Variants in INSR observed in about 807,000 individuals in gnomAD.
INSR encodes insulin receptor, also known as IR.
INSR carries 67 observed loss-of-function variants against 142.6 expected under a neutral mutation model. The observed-to-expected ratio is 0.47, with a 90% confidence interval of 0.39 to 0.58. The LOEUF (loss-of-function observed/expected upper bound fraction) is 0.58. INSR is among the 20% of genes least tolerant of loss of function. The pLI, the probability that INSR is intolerant of heterozygous loss-of-function variation, is 0.00. For missense variants in INSR, 1,248 were observed against 1,833.2 expected, an observed-to-expected ratio of 0.68 and a Z score of 5.83; for synonymous variants, 756 against 743.1, an observed-to-expected ratio of 1.02 and a Z score of -0.28.
intron 2 of INSR, among the ~76,000 whole-genome samples, chr19:7,198,088 C>T (rs1167640098): frequency 2.0e-5 from 3 of 151,648 alleles, no homozygotes; most frequent in African/African-American, 7.3e-5. Context: ...CCCATGGGGG[C>T]GAGGGAGGGA....
At position 7,115,395 on chromosome 19, in the gene INSR, T is replaced by G. The variant is rs952459337; in HGVS notation, c.*1661A>C. The G allele has an allele frequency of 6.6e-6, 1 of 152,082 alleles. No individual in the cohort carries two copies. The highest frequency in any genetic ancestry group is 2.4e-5 in the African/African-American group (1 of 41,402). The allele number at this position is 152,082 out of a possible 1,614,324, so 9.4% of individuals were successfully genotyped here. On this transcript the variant is annotated 3_prime_UTR_variant, in exon 22 of 22. Coordinates refer to ENST00000302850, the MANE Select transcript of INSR (RefSeq NM_000208.4). ...GTTTCTCCTCCAGACTCTACTCTCTTAGGGATTGCAACACTGTAAGCACCT... is the reference window on the plus strand; with the variant it reads ...GTTTCTCCTCCAGACTCTACTCTCTGAGGGATTGCAACACTGTAAGCACCT...
chr19:7,130,344 G>C (rs898871107), intron 14 of INSR, among the ~76,000 whole-genome samples: 2 of 152,208 alleles, frequency 1.3e-5, no homozygotes, highest in African/African-American at 4.8e-5. Flanking sequence ...CCATAAGTGA[G>C]AGTGAGACAC....
In INSR at chr19:7,119,865, C is replaced by G. The variant is rs958959761; in HGVS notation, c.3660-282G>C. On this transcript the variant is annotated intron_variant, in intron 20 of 21. Coordinates refer to ENST00000302850, the MANE Select transcript of INSR (RefSeq NM_000208.4). This position sits in a 1 kb window ranked among gnomAD's most constrained non-coding sequence, Gnocchi z 5.2. ...CCAAACACACACACGCACACACATG[C>G]AAACACACACAAACACACATATGCA... is the stretch of plus-strand genomic sequence containing the variant. Among the ~76,000 whole-genome samples, 5 of 151,502 alleles carry G rather than the reference C, an allele frequency of 3.3e-5. No individual in the cohort carries two copies. The highest frequency in any genetic ancestry group is 7.4e-5 in the Non-Finnish European group (5 of 67,894).
intron 11 of INSR, among the ~76,000 whole-genome samples, chr19:7,144,961 CTA>C (rs1973155955): frequency 6.6e-6 from 1 of 150,424 alleles, no homozygotes; most frequent in African/African-American, 2.4e-5. Context: ...TTTTTTCTTT[CTA>C]TGTTTGTTTG....
chr19:7,112,360 A>C lies in INSR; in HGVS notation c.*4696T>G, dbSNP rs546415055. The C allele has an allele frequency of 6.6e-6, 1 of 152,310 alleles. No homozygotes were observed. Among genetic ancestry groups the C allele is most frequent in the South Asian group, 2.1e-4 (1 of 4,828 alleles). 9.4% of individuals were successfully genotyped at this position (152,310 alleles called of 1,614,324 possible). On this transcript the variant is annotated 3_prime_UTR_variant, in exon 22 of 22. Transcript: ENST00000302850. ...CCAAAAAAAAAGGCGTCTTCTGTAC[A>C]TGGTGCTACTTGGCTCTTGTAGGAA...
At chr19:7,181,938 C>T (rs2080701918) in intron 3 of INSR, among the ~76,000 whole-genome samples, 2 of 152,022 alleles carry the variant, frequency 1.3e-5, no homozygotes, top group African/African-American at 2.4e-5. Context: ...GAACTCCTTC[C>T]CAGATAAGCC....
chr19:7,229,537 C>T (rs1012413337), intron 2 of INSR, among the ~76,000 whole-genome samples: 1 of 152,160 alleles, frequency 6.6e-6, no homozygotes, highest in Non-Finnish European at 1.5e-5. Flanking sequence ...TAGGAGAGTA[C>T]AAGTAAATAC....
intron 2 of INSR, among the ~76,000 whole-genome samples, chr19:7,220,584 C>T (rs75966685): frequency 2.0e-5 from 3 of 152,156 alleles, no homozygotes; most frequent in South Asian, 4.1e-4. Flanking sequence ...CCACTGTGCC[C>T]GGCCACGGAT....
chr19:7,149,003 C>T (rs569145186), intron 11 of INSR, among the ~76,000 whole-genome samples: 1 of 152,092 alleles, frequency 6.6e-6, no homozygotes, highest in South Asian at 2.1e-4. Context: ...CCATCTTGGT[C>T]AGGCTGGTCT....
At chr19:7,121,451 C>T (rs570639273) in intron 19 of INSR, among the ~76,000 whole-genome samples, 1 of 152,080 alleles carries the variant, frequency 6.6e-6, no homozygotes. Flanking sequence ...TCACGCTGCT[C>T]TGGTCCCCTC....
rs778625883 is a variant in INSR, at chr19:7,125,502, C to G, written c.3039G>C (p.Pro1013=). ...SDVFPCSVYV[P]DEWEVSREKI... is the part of the protein sequence containing the mutation. ...TCTCTCGAGACACCTCCCACTCGTC[C>G]GGCACGTACACAGAGCATGGAAACA... Residue 1013 remains proline (P), a synonymous_variant, in exon 17 of 22, where the codon CCG becomes CCC. Coordinates refer to ENST00000302850, the MANE Select transcript of INSR (RefSeq NM_000208.4). This position sits in a 1 kb window ranked among gnomAD's most constrained non-coding sequence, Gnocchi z 4.9. 1 of 1,613,954 alleles carries G rather than the reference C, an allele frequency of 6.2e-7. No homozygotes were observed. The highest frequency in any genetic ancestry group is 1.1e-5 in the South Asian group (1 of 91,078).
At chr19:7,158,086 ATTATTT>A (rs1364902082) in intron 9 of INSR, among the ~76,000 whole-genome samples, 86 of 143,366 alleles carry the variant, frequency 6.0e-4, no homozygotes, top group African/African-American at 2.2e-3. Context: ...TATTATTATT[ATTATTT>A]GGAGAGGAAG....
Position 7,174,692 on chromosome 19 carries a change from C to T in INSR, c.1014G>A (p.Val338=), listed in dbSNP as rs753364162. The change falls in exon 4 of 22, where the codon GTG becomes GTA. Residue 338 remains valine, a synonymous_variant. Coordinates refer to ENST00000302850, the MANE Select transcript of INSR (RefSeq NM_000208.4). The stretch of plus-strand genomic sequence containing the variant: ...TCTTCTCGCCTTCTAGGAGGTGGCA[C>T]ACCTTGGGACAGGGACCCAGGCATG... ...CTPCLGPCPK[V]CHLLEGEKTI... is the part of the protein sequence containing the mutation. The T allele has an allele frequency of 9.3e-6, 15 of 1,613,910 alleles. No individual in the cohort carries two copies. Among genetic ancestry groups the T allele is most frequent in the Admixed American group, 1.7e-5 (1 of 59,986 alleles).
chr19:7,230,436 C>G (rs1975934210), intron 2 of INSR, among the ~76,000 whole-genome samples: 1 of 152,160 alleles, frequency 6.6e-6, no homozygotes, highest in Non-Finnish European at 1.5e-5. Flanking sequence ...CAGTGTCCAC[C>G]TGGTGAGGTC....
intron 13 of INSR, among the ~76,000 whole-genome samples, chr19:7,135,304 C>CTTTTTTTT (rs34080394): frequency 1.7e-5 from 1 of 60,052 alleles, no homozygotes; most frequent in Non-Finnish European, 2.9e-5. Flanking sequence ...AATGCATCTT[C>CTTTTTTTT]TTTTTTTTTT....
chr19:7,277,833 T>C (rs1968106462), intron 1 of INSR, among the ~76,000 whole-genome samples: 1 of 150,398 alleles, frequency 6.6e-6, no homozygotes, highest in Non-Finnish European at 1.5e-5. Flanking sequence ...GGCTCACGCC[T>C]GTAATCCCAG....
intron 2 of INSR, among the ~76,000 whole-genome samples, chr19:7,261,096 C>T (rs866675909): frequency 7.2e-5 from 11 of 152,104 alleles, no homozygotes; most frequent in South Asian, 2.1e-4. Context: ...CCATGTTGCC[C>T]AGGCTGGTCT....
chr19:7,153,032 ACAC>A (rs1568449068), intron 9 of INSR, 105 bp from the exon 10 acceptor site: 1 of 466,454 alleles, frequency 2.1e-6, no homozygotes, highest in African/African-American at 5.2e-5. Context: ...CACACCACAC[ACAC>A]ACACACCACA....
chr19:7,275,457 C>A (rs1968036147), intron 1 of INSR, among the ~76,000 whole-genome samples: 1 of 152,016 alleles, frequency 6.6e-6, no homozygotes, highest in Non-Finnish European at 1.5e-5. Flanking sequence ...TAAAAGTTTA[C>A]ATTGACATTT....
Sources: allele counts gnomAD v4.1 joint callset (sites outside exome capture counted in the v4.1 genomes callset), GRCh38; gene constraint gnomAD v4.1.1; non-coding constraint Gnocchi (gnomAD v3.1); transcripts MANE v1.5; gene names NCBI Gene and HGNC (gene_info 2026-07-23, HGNC 2026-07-21).